ASCC1: variants seen among roughly 807,000 people sequenced by gnomAD.
ASCC1 encodes ASC-1 complex subunit P50.
ASCC1 carries 35 observed loss-of-function variants against 46.6 expected under a neutral mutation model. That is an observed-to-expected ratio of 0.75 (90% confidence interval 0.57 to 0.99). The LOEUF (loss-of-function observed/expected upper bound fraction) is 0.99, where lower values mean the gene tolerates loss of function less well. Ranked by LOEUF, ASCC1 falls within the 50% of genes least tolerant of loss-of-function variation. The probability of loss-of-function intolerance (pLI) is 0.00; values close to 1 mark genes in which losing one functional copy is unlikely to be tolerated. For synonymous variants in ASCC1, 143 were observed against 146.6 expected (o/e 0.98, Z 0.18); for missense variants, 376 against 428.7 (o/e 0.88, Z 1.09).
At chr10:72,172,414 CAA>C (rs1041390323) in intron 5 of ASCC1, among the ~76,000 whole-genome samples, 2 of 40,296 alleles carry the variant, frequency 5.0e-5, no homozygotes, top group African/African-American at 2.3e-4. Context: ...AACTCAGTCT[CAA>C]AAAAAAAAAA....
At chr10:72,109,668 G>C (rs1276930526) in intron 9 of ASCC1, among the ~76,000 whole-genome samples, 1 of 152,202 alleles carries the variant, frequency 6.6e-6, no homozygotes, top group East Asian at 1.9e-4. Flanking sequence ...TGACCTATTA[G>C]AGGATGAATT....
At chr10:72,116,676 C>T (rs979676211) in intron 9 of ASCC1, among the ~76,000 whole-genome samples, 4 of 152,220 alleles carry the variant, frequency 2.6e-5, no homozygotes, top group African/African-American at 9.6e-5. Context: ...TGCTGCTAAA[C>T]CCATACACTG....
intron 5 of ASCC1, among the ~76,000 whole-genome samples, chr10:72,172,811 TATATATA>T (rs1851335337): frequency 7.4e-6 from 1 of 134,298 alleles, no homozygotes; most frequent in Non-Finnish European, 1.6e-5. Context: ...ATTTTTATAT[TATATATA>T]ATATATATTT....
intron 9 of ASCC1, among the ~76,000 whole-genome samples, chr10:72,107,073 A>T (rs1842416046): frequency 6.6e-6 from 1 of 152,190 alleles, no homozygotes; most frequent in Non-Finnish European, 1.5e-5. Context: ...ATCAAAACAA[A>T]TAATGGTATA....
At chr10:72,134,507 C>G (rs983370222) in intron 7 of ASCC1, 2 of 152,240 alleles carry the variant, frequency 1.3e-5, no homozygotes, top group African/African-American at 4.8e-5. Flanking sequence ...GAGTCCAATC[C>G]TTCCTGACCC....
chr10:72,099,152 T>G lies in ASCC1; in HGVS notation c.958-1702A>C, dbSNP rs562422876. Among the ~76,000 whole-genome samples the G allele has an allele frequency of 6.6e-5, 10 of 152,314 alleles. No homozygotes were observed. The East Asian group carries it at 1.9e-3, about 29-fold the overall frequency. On this transcript the variant is annotated intron_variant, in intron 9 of 9. Transcript: ENST00000672957. ...TGCTACCTTCTTCTCTTTGTGCCCA[T>G]GTTTTCAAGTAGTGGGGAGGCCACA...
chr10:72,205,701 CAGG>C (rs1365142634), intron 3 of ASCC1, among the ~76,000 whole-genome samples: 1 of 150,398 alleles, frequency 6.6e-6, no homozygotes. Flanking sequence ...GAAGGCTGAG[CAGG>C]AGAATTGCTT....
At chr10:72,176,570 C>T (rs1851881467) in intron 5 of ASCC1, among the ~76,000 whole-genome samples, 1 of 151,994 alleles carries the variant, frequency 6.6e-6, no homozygotes, top group Non-Finnish European at 1.5e-5. Flanking sequence ...GTTTCAAACT[C>T]CTGGACTCAA....
intron 8 of ASCC1, among the ~76,000 whole-genome samples, chr10:72,132,474 C>T (rs1845722958): frequency 6.6e-6 from 1 of 152,150 alleles, no homozygotes; most frequent in Non-Finnish European, 1.5e-5. Flanking sequence ...TATTTTAACA[C>T]AAGGTTTCTC....
chr10:72,149,473 G>A (rs1180404189), intron 7 of ASCC1, among the ~76,000 whole-genome samples: 1 of 139,152 alleles, frequency 7.2e-6, no homozygotes, highest in Non-Finnish European at 1.5e-5. Context: ...AAGTGTTGTT[G>A]TGTTATTTTT....
At chr10:72,200,135 T>C (rs894932748) in intron 4 of ASCC1, among the ~76,000 whole-genome samples, 1 of 152,168 alleles carries the variant, frequency 6.6e-6, no homozygotes, top group Non-Finnish European at 1.5e-5. Flanking sequence ...GAATCTAGTA[T>C]ATTAAAATGG....
intron 9 of ASCC1, among the ~76,000 whole-genome samples, chr10:72,112,549 G>T (rs1843028288): frequency 6.6e-6 from 1 of 151,834 alleles, no homozygotes; most frequent in South Asian, 2.1e-4. Context: ...ACTTAAAAAT[G>T]GTTAAAATAG....
intron 5 of ASCC1, chr10:72,190,527 G>A: frequency 2.6e-6 from 4 of 1,561,814 alleles, no homozygotes; most frequent in Non-Finnish European, 3.5e-6. Context: ...GGTTCTCGCA[G>A]GGCAGCTTGG....
rs771342436 is a variant in ASCC1, at chr10:72,192,784, GC to G, written c.489+4026del. On this transcript the variant is annotated intron_variant, in intron 5 of 9. Coordinates refer to ENST00000672957, the MANE Select transcript of ASCC1 (RefSeq NM_001198800.3). ...GCTGGGATCACAGGCATGGGGCACTGCCCCCCGCCAAACAACCCAATTGTAA... is the reference window on the plus strand; with the variant it reads ...GCTGGGATCACAGGCATGGGGCACTGCCCCCGCCAAACAACCCAATTGTAA... Among the ~76,000 whole-genome samples, 3 of 152,256 alleles carry G rather than the reference GC, an allele frequency of 2.0e-5. No individual in the cohort carries two copies. The South Asian group carries it at 6.2e-4, about 32-fold the overall frequency.
chr10:72,152,728 C>G (rs1457445223), intron 7 of ASCC1, 141 bp downstream of exon 7: 1 of 1,040,522 alleles, frequency 9.6e-7, no homozygotes, highest in Non-Finnish European at 1.4e-6. Flanking sequence ...GATTAACTTA[C>G]TATTAAAAAA....
chr10:72,210,023 G>T (rs1054368992), intron 3 of ASCC1, among the ~76,000 whole-genome samples: 1 of 151,990 alleles, frequency 6.6e-6, no homozygotes. Context: ...CATCGTTTTT[G>T]CTCCTGCTTT....
rs531704934 is a variant in ASCC1, at chr10:72,153,102, A to C, written c.627-114T>G. 2.3e-5 allele frequency: 31 copies of C among 1,360,802 alleles called. No individual in the cohort carries two copies. In the African/African-American group the frequency reaches 4.0e-4, roughly 18 times the overall value. The allele number at this position is 1,360,802 out of a possible 1,614,324, so 84.3% of individuals were successfully genotyped here. On this transcript the variant is annotated intron_variant, in intron 6 of 9. Coordinates refer to ENST00000672957, the MANE Select transcript of ASCC1 (RefSeq NM_001198800.3). ...ATATGTATGTTACTTACATGTGTAC[A>C]AAAACATGGTAGTTGTGTTTTTTCC...
chr10:72,178,865 T>C (rs939902977), intron 5 of ASCC1, among the ~76,000 whole-genome samples: 7 of 152,100 alleles, frequency 4.6e-5, no homozygotes, highest in African/African-American at 1.4e-4. Flanking sequence ...GTATTTGACA[T>C]AAGCTATAAA....
At chr10:72,135,684 G>A in intron 7 of ASCC1, among the ~76,000 whole-genome samples, 1 of 152,172 alleles carries the variant, frequency 6.6e-6, no homozygotes, top group East Asian at 1.9e-4. Context: ...GCTGTGTGGA[G>A]GACAGACAGC....
Sources: allele counts gnomAD v4.1 joint callset (sites outside exome capture counted in the v4.1 genomes callset), GRCh38; gene constraint gnomAD v4.1.1; transcripts MANE v1.5; gene names NCBI Gene and HGNC (gene_info 2026-07-23, HGNC 2026-07-21).